Variants in RIPK1 observed in about 807,000 individuals in gnomAD.
RIPK1 encodes the protein receptor-interacting serine/threonine-protein kinase 1.
RIPK1 carries 27 observed loss-of-function variants against 62.4 expected under a neutral mutation model. The observed-to-expected ratio is 0.43, with a 90% CI of 0.32 to 0.60. The LOEUF is 0.60. Ranked by LOEUF, RIPK1 falls within the 20% of genes least tolerant of loss-of-function variation. The probability of loss-of-function intolerance (pLI) is 0.07; values close to 1 mark genes in which losing one functional copy is unlikely to be tolerated. For synonymous variants in RIPK1, 287 were observed against 303.2 expected (o/e 0.95, Z 0.55); for missense variants, 735 against 831.0 (o/e 0.88, Z 1.42).
At chr6:3,103,131 T>G (rs547456431) in intron 7 of RIPK1, among the ~76,000 whole-genome samples, 2 of 152,284 alleles carry the variant, frequency 1.3e-5, no homozygotes, top group East Asian at 3.9e-4. Flanking sequence ...ATTGGCCATT[T>G]GTATATCTTC....
chr6:3,104,124 A>T (rs1760710984), intron 7 of RIPK1, 101 bp from the exon 8 acceptor site: 2 of 601,480 alleles, frequency 3.3e-6, no homozygotes. Context: ...GATCTGTGTG[A>T]AATTTCTACC....
chr6:3,112,415 A>G (rs1761209581), intron 10 of RIPK1, among the ~76,000 whole-genome samples: 1 of 152,202 alleles, frequency 6.6e-6, no homozygotes, highest in African/African-American at 2.4e-5. Context: ...TACCAACAGG[A>G]TCACTGGCTA....
At chr6:3,074,681 T>A (rs1007577092) in intron 1 of RIPK1, among the ~76,000 whole-genome samples, 1 of 151,708 alleles carries the variant, frequency 6.6e-6, no homozygotes, top group Non-Finnish European at 1.5e-5. Context: ...TTTTATTTTA[T>A]TTTAATTTTT....
At chr6:3,086,429 T>C (rs543769207) in intron 6 of RIPK1, among the ~76,000 whole-genome samples, 2 of 152,348 alleles carry the variant, frequency 1.3e-5, no homozygotes, top group African/African-American at 2.4e-5. Flanking sequence ...CAGGTTCTTG[T>C]ATCCTCACCA....
At chr6:3,079,874 G>T (rs1252619066) in intron 3 of RIPK1, among the ~76,000 whole-genome samples, 1 of 152,224 alleles carries the variant, frequency 6.6e-6, no homozygotes, top group Non-Finnish European at 1.5e-5. Context: ...GCCCAACCCT[G>T]CTTAGCTTCT....
At chr6:3,067,280 C>T (rs115129828), upstream of RIPK1, among the ~76,000 whole-genome samples, 751 of 152,074 alleles carry the variant, frequency 4.9e-3, 6 homozygotes, top group Non-Finnish European at 7.7e-3. Flanking sequence ...TGTGGAGTTG[C>T]TTCATCTTAT....
intron 9 of RIPK1, among the ~76,000 whole-genome samples, chr6:3,106,702 C>A (rs1760866429): frequency 6.6e-6 from 1 of 152,168 alleles, no homozygotes; most frequent in Non-Finnish European, 1.5e-5. Context: ...AACCACAGAG[C>A]TTAGTTACAT....
Position 3,096,123 on chromosome 6 carries a change from C to T in RIPK1, c.915+6466C>T, listed in dbSNP as rs947083804. Among the ~76,000 whole-genome samples the T allele has an allele frequency of 2.0e-5, 3 of 152,174 alleles. No homozygotes were observed. The East Asian group carries it at 5.8e-4, about 29-fold the overall frequency. Reference sequence around the variant, plus strand: ...AAGTGCTGGAATTACAAGGCATGAGCCACTGTGTCCAGCCCACCTTTCTCT... The same window carrying T: ...AAGTGCTGGAATTACAAGGCATGAGTCACTGTGTCCAGCCCACCTTTCTCT... On this transcript the variant is annotated intron_variant, in intron 7 of 10. Coordinates refer to ENST00000259808, the MANE Select transcript of RIPK1 (RefSeq NM_001354930.2).
chr6:3,066,977 T>G (rs1758405998), upstream of RIPK1, among the ~76,000 whole-genome samples: 1 of 151,554 alleles, frequency 6.6e-6, no homozygotes, highest in South Asian at 2.1e-4. Context: ...GTCACATAGT[T>G]GGAATCATGC....
chr6:3,073,104 A>T (rs1005565977), intron 1 of RIPK1, among the ~76,000 whole-genome samples: 2 of 152,242 alleles, frequency 1.3e-5, no homozygotes, highest in African/African-American at 2.4e-5. Flanking sequence ...AAATATATAC[A>T]TATGTACATA....
At position 3,113,245 on chromosome 6, in the gene RIPK1, T is replaced by C. The variant is rs375933886; in HGVS notation, c.1922T>C (p.Ile641Thr). 1.2e-5 allele frequency: 19 copies of C among 1,613,904 alleles called. No homozygotes were observed. The highest frequency in any genetic ancestry group is 1.6e-5 in the Non-Finnish European group (19 of 1,180,002). ...CAAAAGTGGGTGATGAGGGAAGGCA[T>C]AAAGGGAGCCACGGTGGGGAAGCTG... ...MLQKWVMREG[I>T]KGATVGKLAQ... Residue 641 changes from isoleucine (I) to threonine (T), a missense_variant, in exon 11 of 11, where the codon ATA (isoleucine) becomes ACA (threonine). Transcript: ENST00000259808. The surrounding 1 kb of genome is among the most constrained non-coding windows in gnomAD (Gnocchi z 5.0).
chr6:3,069,110 C>T (rs1227546498), intron 1 of RIPK1, among the ~76,000 whole-genome samples: 2 of 152,184 alleles, frequency 1.3e-5, no homozygotes, highest in East Asian at 3.9e-4. Flanking sequence ...CTTTGGGCCG[C>T]GGTTACCGCG....
intron 7 of RIPK1, among the ~76,000 whole-genome samples, chr6:3,090,823 C>CACACCTACCT (rs1561763070): frequency 1.3e-4 from 8 of 61,972 alleles, no homozygotes; most frequent in Admixed American, 4.8e-4. Flanking sequence ...GTAACCGCAG[C>CACACCTACCT]GCACCTACCT....
In RIPK1 at chr6:3,073,469, C is replaced by T. The variant is rs536750447; in HGVS notation, c.-60-3295C>T. On this transcript the variant is annotated intron_variant, in intron 1 of 10. Coordinates refer to ENST00000259808, the MANE Select transcript of RIPK1 (RefSeq NM_001354930.2). ...TCACGCTCATAGTGGAGGGCCCGTG[C>T]TCTCGGAGCTATGGCTCCTGGTCTC... 8.8e-4 allele frequency among the ~76,000 whole-genome samples: 134 copies of T among 152,180 alleles called. 1 individual carries two copies. The highest frequency in any genetic ancestry group is 3.1e-3 in the African/African-American group (130 of 41,502).
chr6:3,109,575 C>T (rs143210712), intron 9 of RIPK1, among the ~76,000 whole-genome samples: 57 of 152,236 alleles, frequency 3.7e-4, no homozygotes, highest in African/African-American at 1.3e-3. Flanking sequence ...TGTGGCTGAG[C>T]TTTGCTGTGT....
At chr6:3,083,062 C>T in intron 4 of RIPK1, 23 bp from the exon 5 acceptor site, 1 of 1,609,526 alleles carries the variant, frequency 6.2e-7, no homozygotes, top group South Asian at 1.1e-5. Flanking sequence ...CAAACAATCC[C>T]AGTGGCTCAA....
At chr6:3,088,991 G>T (rs138486321) in intron 6 of RIPK1, among the ~76,000 whole-genome samples, 1 of 152,274 alleles carries the variant, frequency 6.6e-6, no homozygotes, top group African/African-American at 2.4e-5. Context: ...ACTATCGTGT[G>T]TTTCATCTGA....
chr6:3,099,870 G>A (rs1046307710), intron 7 of RIPK1, among the ~76,000 whole-genome samples: 9 of 152,180 alleles, frequency 5.9e-5, no homozygotes, highest in African/African-American at 2.2e-4. Flanking sequence ...AATCTATACT[G>A]CTCACGTGCA....
intron 1 of RIPK1, among the ~76,000 whole-genome samples, chr6:3,073,525 T>C (rs1758874984): frequency 6.6e-6 from 1 of 151,828 alleles, no homozygotes; most frequent in Non-Finnish European, 1.5e-5. Flanking sequence ...ACCCCACCCC[T>C]CAGTCTTCAG....
Sources: gnomAD v4.1 joint callset for allele counts (sites outside exome capture counted in the v4.1 genomes callset) on GRCh38, gnomAD v4.1.1 for gene constraint, Gnocchi (gnomAD v3.1) non-coding constraint, MANE v1.5 for transcripts, NCBI Gene and HGNC (gene_info 2026-07-23, HGNC 2026-07-21) for gene names.